The following TENM4 variants were observed in gnomAD, a reference collection of about 807,000 sequenced individuals.
The protein encoded by TENM4 is teneurin transmembrane protein 4.
A neutral mutation model predicts 243.3 loss-of-function variants in TENM4; 82 were observed. The ratio of observed to expected loss-of-function variants is 0.34; its 90% CI spans 0.28 to 0.40. The LOEUF (loss-of-function observed/expected upper bound fraction) is 0.40. Ranked by LOEUF, TENM4 falls within the 10% of genes least tolerant of loss-of-function variation. The pLI, the probability that TENM4 is intolerant of heterozygous loss-of-function variation, is 1.00. For synonymous variants in TENM4, 1,412 were observed against 1,456.3 expected (o/e 0.97, Z 0.69); for missense variants, 3,138 against 3,673.3 (o/e 0.85, Z 3.77).
Position 78,676,274 on chromosome 11 carries a change from T to A in TENM4, c.5374A>T (p.Asn1792Tyr). The change falls in exon 30 of 34, where the codon AAC (asparagine) becomes TAC (tyrosine). Residue 1792 changes from asparagine to tyrosine, a missense_variant. Coordinates refer to ENST00000278550, the MANE Select transcript of TENM4 (RefSeq NM_001098816.3). ...TEPHLLAGTVNPTVGKRNVTL... is the reference protein window; with the variant it reads ...TEPHLLAGTVYPTVGKRNVTL... ...ACATTCCTCTTGCCCACGGTGGGGT[T>A]GACGGTGCCAGCCAGCAAGTGGGGC... 6.2e-7 allele frequency: 1 copy of A among 1,612,928 alleles called. No homozygotes were observed. Among genetic ancestry groups the A allele is most frequent in the South Asian group, 1.1e-5 (1 of 91,022 alleles).
intron 1 of TENM4, among the ~76,000 whole-genome samples, chr11:79,415,602 G>A (rs987461727): frequency 6.6e-5 from 10 of 152,198 alleles, no homozygotes; most frequent in Admixed American, 5.2e-4. Context: ...GACAGTGAGT[G>A]CTGGGGCTGG....
chr11:78,712,824 T>C (rs1212170433), intron 25 of TENM4, 110 bp from the exon 26 acceptor site: 9 of 1,008,172 alleles, frequency 8.9e-6, no homozygotes, highest in African/African-American at 1.6e-5. Context: ...AAATATCTTA[T>C]GGGGATGATG....
At chr11:79,370,589 T>C (rs898641999) in intron 1 of TENM4, among the ~76,000 whole-genome samples, 1 of 152,078 alleles carries the variant, frequency 6.6e-6, no homozygotes, top group Non-Finnish European at 1.5e-5. Context: ...TTATCCTCCA[T>C]GTCCATCTGC....
intron 18 of TENM4, among the ~76,000 whole-genome samples, chr11:78,759,490 C>G (rs1856385646): frequency 6.6e-6 from 1 of 152,148 alleles, no homozygotes; most frequent in Non-Finnish European, 1.5e-5. Flanking sequence ...TTTATTAGCT[C>G]TTTCCTGGTC....
At chr11:78,720,628 G>C (rs2135835842) in intron 24 of TENM4, among the ~76,000 whole-genome samples, 1 of 152,326 alleles carries the variant, frequency 6.6e-6, no homozygotes, top group East Asian at 1.9e-4. Flanking sequence ...CACCACTACT[G>C]CTGACTTTGG....
intron 4 of TENM4, among the ~76,000 whole-genome samples, chr11:79,109,252 T>C (rs941399058): frequency 1.3e-5 from 2 of 152,130 alleles, no homozygotes; most frequent in African/African-American, 2.4e-5. Flanking sequence ...AAAATATGAT[T>C]AATATAGCTC....
intron 2 of TENM4, among the ~76,000 whole-genome samples, chr11:79,289,964 T>G (rs1856326088): frequency 6.9e-6 from 1 of 145,216 alleles, no homozygotes; most frequent in Non-Finnish European, 1.5e-5. Flanking sequence ...TTTTTCTTTT[T>G]CTTTTTTTTT....
At chr11:79,039,020 CA>C (rs1281093404) in intron 6 of TENM4, among the ~76,000 whole-genome samples, 3 of 152,158 alleles carry the variant, frequency 2.0e-5, no homozygotes, top group African/African-American at 7.2e-5. Flanking sequence ...GAATGTACCC[CA>C]GGGGGGCCTC....
chr11:78,993,587 T>G (rs905592214), intron 6 of TENM4, among the ~76,000 whole-genome samples: 1 of 152,194 alleles, frequency 6.6e-6, no homozygotes, highest in South Asian at 2.1e-4. Flanking sequence ...TCAGTTTGGA[T>G]AGTTTTTATT....
At chr11:78,849,700 G>A (rs1401068871) in intron 12 of TENM4, among the ~76,000 whole-genome samples, 1 of 152,202 alleles carries the variant, frequency 6.6e-6, no homozygotes, top group Non-Finnish European at 1.5e-5. Context: ...AAGCTTTGGA[G>A]TCAGACAGAC....
chr11:78,693,692 T>C (rs1384637216), intron 28 of TENM4, among the ~76,000 whole-genome samples: 1 of 152,156 alleles, frequency 6.6e-6, no homozygotes, highest in African/African-American at 2.4e-5. Flanking sequence ...CAAAGCATCT[T>C]TGGAGCACAG....
Position 78,669,683 on chromosome 11 carries a change from C to T in TENM4, c.6662G>A (p.Gly2221Glu), listed in dbSNP as rs1479986304. Residue 2221 changes from glycine to glutamate, a missense_variant, in exon 32 of 34, where the codon GGG (glycine) becomes GAG (glutamate). Gly to Glu is a moderately conservative substitution (Grantham distance 98). Transcript: ENST00000278550. The surrounding 1 kb of genome is among the most constrained non-coding windows in gnomAD (Gnocchi z 6.4). ...PLWRYSYDLNGNLHLLSPGNS... is the reference protein window; with the variant it reads ...PLWRYSYDLNENLHLLSPGNS... The stretch of plus-strand genomic sequence containing the variant: ...CCCAGGGCTCAGTAAGTGCAGGTTC[C>T]CATTGAGGTCGTAGCTGTAGCGCCA... The T allele has an allele frequency of 6.2e-7, 1 of 1,613,968 alleles. No homozygotes were observed. The highest frequency in any genetic ancestry group is 8.5e-7 in the Non-Finnish European group (1 of 1,179,884).
intron 6 of TENM4, 87 bp from the exon 7 acceptor site, chr11:78,903,610 A>G: frequency 6.6e-7 from 1 of 1,522,830 alleles, no homozygotes; most frequent in South Asian, 1.2e-5. Context: ...GAGCAAGACC[A>G]CAGAAGAGGG....
Position 79,293,521 on chromosome 11 carries a change from GAA to G in TENM4, c.-265+3965_-265+3966del, listed in dbSNP as rs11337863. 4.2e-4 allele frequency among the ~76,000 whole-genome samples: 60 copies of G among 144,058 alleles called. 1 individual carries two copies. Among genetic ancestry groups the G allele is most frequent in the Middle Eastern group, 3.5e-3 (1 of 282 alleles). 94.5% of individuals were successfully genotyped at this position (144,058 alleles called of 152,430 possible). A position where few individuals can be genotyped will look rare whatever the true frequency, so the allele number is the denominator to read the frequency against. ...AACACTGTCCCTTAAAAAAAAAAAA[GAA>G]AAAAAAAAAGAAAAAAAAGTGTTAG... is the stretch of plus-strand genomic sequence containing the variant. On this transcript the variant is annotated intron_variant, in intron 2 of 33. Coordinates refer to ENST00000278550, the MANE Select transcript of TENM4 (RefSeq NM_001098816.3).
intron 3 of TENM4, among the ~76,000 whole-genome samples, chr11:79,162,218 A>AG (rs1273835065): frequency 6.6e-6 from 1 of 152,228 alleles, no homozygotes; most frequent in Non-Finnish European, 1.5e-5. Context: ...TGGCCTTGGA[A>AG]GCCAGACCAC....
intron 17 of TENM4, among the ~76,000 whole-genome samples, chr11:78,776,428 G>A (rs1856741702): frequency 6.6e-6 from 1 of 152,162 alleles, no homozygotes; most frequent in Non-Finnish European, 1.5e-5. Context: ...TGAGAGCAGG[G>A]ACCATATCTG....
At chr11:78,906,339 A>G (rs1415635570) in intron 6 of TENM4, among the ~76,000 whole-genome samples, 1 of 152,208 alleles carries the variant, frequency 6.6e-6, no homozygotes, top group African/African-American at 2.4e-5. Flanking sequence ...GCCTTTGCAT[A>G]AAACTTAAAC....
chr11:79,031,678 G>T (rs2043527), intron 6 of TENM4, among the ~76,000 whole-genome samples: 79,275 of 152,040 alleles, frequency 0.52, 20,961 homozygotes, highest in Middle Eastern at 0.59. Context: ...AAGGACAGTG[G>T]GACTTGTGAG....
intron 4 of TENM4, among the ~76,000 whole-genome samples, chr11:79,148,335 TCTACAAAAATC>T (rs1862432240): frequency 6.6e-6 from 1 of 152,022 alleles, no homozygotes; most frequent in Admixed American, 6.6e-5. Context: ...ATGGGAGAGC[TCTACAAAAATC>T]CTAAGTGTGG....
Sources: allele counts gnomAD v4.1 joint callset (sites outside exome capture counted in the v4.1 genomes callset), GRCh38; gene constraint gnomAD v4.1.1; non-coding constraint Gnocchi (gnomAD v3.1); transcripts MANE v1.5; gene names NCBI Gene and HGNC (gene_info 2026-07-23, HGNC 2026-07-21).